HGD: variants seen among roughly 807,000 people sequenced by gnomAD.
HGD encodes homogentisate 1,2-dioxygenase.
In HGD, 61 loss-of-function variants were observed where a neutral mutation model predicts 60.8. The ratio of observed to expected loss-of-function variants is 1.00; its 90% CI spans 0.82 to 1.24. The LOEUF (loss-of-function observed/expected upper bound fraction) is 1.24, where lower values mean the gene tolerates loss of function less well. Among genes scored for constraint, HGD ranks in the 50% most tolerant of loss-of-function variants. HGD has a pLI of 0.00. For synonymous variants in HGD, 212 were observed against 187.7 expected (o/e 1.13, Z -1.06); for missense variants, 542 against 547.1 (o/e 0.99, Z 0.09).
At chr3:120,654,190 C>T (rs547121869) in intron 4 of HGD, among the ~76,000 whole-genome samples, 19 of 152,192 alleles carry the variant, frequency 1.2e-4, no homozygotes, top group Middle Eastern at 3.4e-3. Context: ...ATCTTAGTTT[C>T]AGAAAGAAAA....
chr3:120,675,741 TCATC>T (rs1708115608), intron 2 of HGD, 47 bp downstream of exon 2: 1 of 1,426,162 alleles, frequency 7.0e-7, no homozygotes, highest in South Asian at 1.1e-5. Context: ...TGAAAGCTAG[TCATC>T]CAGGAATAGG....
intron 4 of HGD, among the ~76,000 whole-genome samples, chr3:120,666,986 C>A (rs1707912393): frequency 6.6e-6 from 1 of 152,098 alleles, no homozygotes; most frequent in South Asian, 2.1e-4. Context: ...TTATTAATTT[C>A]TACAATACTT....
intron 8 of HGD, 141 bp from the exon 9 acceptor site, chr3:120,646,507 C>A: frequency 1.5e-6 from 1 of 666,018 alleles, no homozygotes; most frequent in East Asian, 2.6e-5. Context: ...CCAGAGCAAA[C>A]ATGAAAAACT....
At chr3:120,638,306 G>C in intron 12 of HGD, 149 bp downstream of exon 12, 1 of 930,688 alleles carries the variant, frequency 1.1e-6, no homozygotes, top group Non-Finnish European at 1.8e-6. Context: ...AAAGCTTGGG[G>C]ATCAGCACTA....
At chr3:120,671,209 T>A (rs1300838647) in intron 3 of HGD, among the ~76,000 whole-genome samples, 1 of 152,192 alleles carries the variant, frequency 6.6e-6, no homozygotes, top group Non-Finnish European at 1.5e-5. Context: ...TATCAGATCA[T>A]TTTAACTCTT....
At chr3:120,646,422 A>G (rs1004507812) in intron 8 of HGD, 56 bp from the exon 9 acceptor site, 4 of 1,144,768 alleles carry the variant, frequency 3.5e-6, no homozygotes, top group Admixed American at 3.4e-5. Flanking sequence ...GTAGTTATAA[A>G]GAAGCTGCCC....
intron 12 of HGD, among the ~76,000 whole-genome samples, chr3:120,637,479 G>C (rs1173308422): frequency 6.6e-6 from 1 of 152,130 alleles, no homozygotes; most frequent in South Asian, 2.1e-4. Flanking sequence ...TAGTAGATTT[G>C]TTAGGTCTTG....
chr3:120,645,897 T>C (rs1445844179), intron 9 of HGD, among the ~76,000 whole-genome samples: 1 of 152,218 alleles, frequency 6.6e-6, no homozygotes, highest in Non-Finnish European at 1.5e-5. Context: ...TTTACTCTCC[T>C]CAACTTTTCA....
At chr3:120,641,839 A>G (rs1940992690) in intron 10 of HGD, 146 bp from the exon 11 acceptor site, 1 of 687,796 alleles carries the variant, frequency 1.5e-6, no homozygotes, top group Non-Finnish European at 2.6e-6. Flanking sequence ...GAGAAGTATA[A>G]CCCTGAATCA....
At chr3:120,673,296 CAA>C (rs1708060572) in intron 3 of HGD, among the ~76,000 whole-genome samples, 1 of 152,132 alleles carries the variant, frequency 6.6e-6, no homozygotes, top group Non-Finnish European at 1.5e-5. Context: ...AATGAAATGC[CAA>C]CAGCTCCTTT....
At chr3:120,672,225 G>A (rs1388478175) in intron 3 of HGD, among the ~76,000 whole-genome samples, 5 of 152,102 alleles carry the variant, frequency 3.3e-5, no homozygotes, top group Non-Finnish European at 7.4e-5. Context: ...GTACATTTAT[G>A]CCTTTATTTG....
intron 1 of HGD, among the ~76,000 whole-genome samples, chr3:120,681,368 G>T (rs1708226911): frequency 6.6e-6 from 1 of 152,210 alleles, no homozygotes; most frequent in Non-Finnish European, 1.5e-5. Flanking sequence ...CTTGCCTTAA[G>T]ATACCAGTCT....
intron 4 of HGD, among the ~76,000 whole-genome samples, chr3:120,664,426 C>CTTTTTTTTTTTTTTTTTTTTT (rs71133513): frequency 2.5e-5 from 3 of 118,820 alleles, no homozygotes; most frequent in Non-Finnish European, 5.0e-5. Flanking sequence ...TTTTTTCTTC[C>CTTTTTTTTTTTTTTTTTTTTT]TTTTTTTTTT....
intron 4 of HGD, among the ~76,000 whole-genome samples, chr3:120,652,900 T>C (rs1941386990): frequency 6.6e-6 from 1 of 152,270 alleles, no homozygotes; most frequent in African/African-American, 2.4e-5. Context: ...ACTGCTTTTG[T>C]TCCTTAGCAC....
chr3:120,655,905 G>C (rs868000772), intron 4 of HGD, among the ~76,000 whole-genome samples: 44 of 152,250 alleles, frequency 2.9e-4, no homozygotes, highest in African/African-American at 9.9e-4. Flanking sequence ...CTCTCCAGAG[G>C]AGAAACTCTG....
intron 4 of HGD, among the ~76,000 whole-genome samples, chr3:120,667,940 C>G (rs898697576): frequency 1.3e-5 from 2 of 152,092 alleles, no homozygotes; most frequent in Non-Finnish European, 2.9e-5. Context: ...GAGGTGAAGT[C>G]AGGGTCCCCA....
chr3:120,632,854 G>A (rs1413364202), intron 13 of HGD, among the ~76,000 whole-genome samples: 3 of 152,178 alleles, frequency 2.0e-5, no homozygotes, highest in African/African-American at 7.2e-5. Flanking sequence ...GGAAAATGAA[G>A]CACAGAGAAG....
chr3:120,680,056 G>T (rs950338965), intron 1 of HGD, among the ~76,000 whole-genome samples: 1 of 152,184 alleles, frequency 6.6e-6, no homozygotes, highest in Admixed American at 6.5e-5. Flanking sequence ...AGGATTTGGT[G>T]GTGGGGCCCA....
chr3:120,641,593 T>C lies in HGD; in HGVS notation c.875A>G (p.His292Arg). Residue 292 changes from histidine to arginine, a missense_variant, in exon 11 of 14, where the codon CAT (histidine) becomes CGT (arginine). This residue lies in a region of HGD where 537 missense variants were observed against 529.1 expected (regional missense o/e 1.01). Coordinates refer to ENST00000283871, the MANE Select transcript of HGD (RefSeq NM_000187.4). ...FMVINSVAFDHADPSIFTVLT... is the reference protein window; with the variant it reads ...FMVINSVAFDRADPSIFTVLT... The stretch of plus-strand genomic sequence containing the variant: ...CCCTACAGGGTTCAGACTTACTGCA[T>C]GGTCAAAGGCCACTGAGTTGATAAC... 6.8e-6 allele frequency: 11 copies of C among 1,610,542 alleles called. No homozygotes were observed. Among genetic ancestry groups the C allele is most frequent in the Non-Finnish European group, 9.3e-6 (11 of 1,176,718 alleles).
Sources: allele counts gnomAD v4.1 joint callset (sites outside exome capture counted in the v4.1 genomes callset), GRCh38; gene constraint gnomAD v4.1.1; regional missense constraint gnomAD v4.1.1; transcripts MANE v1.5; gene names NCBI Gene and HGNC (gene_info 2026-07-23, HGNC 2026-07-21).